The following PTPRG variants were observed in gnomAD, a reference collection of about 807,000 sequenced individuals.
PTPRG encodes receptor-type tyrosine-protein phosphatase gamma.
A neutral mutation model predicts 165.3 loss-of-function variants in PTPRG; 102 were observed. The observed-to-expected ratio is 0.62, with a 90% CI of 0.53 to 0.73. The LOEUF (loss-of-function observed/expected upper bound fraction) is 0.73, where lower values mean the gene tolerates loss of function less well. Among genes scored for constraint, PTPRG ranks in the 30% least tolerant of loss-of-function variants. The pLI is 0.00. For synonymous variants in PTPRG, 675 were observed against 669.5 expected, an observed-to-expected ratio of 1.01 and a Z score of -0.13; for missense variants, 1,866 against 1,861.4, an observed-to-expected ratio of 1.00 and a Z score of -0.05.
At chr3:61,973,848 A>G (rs2040439020) in intron 2 of PTPRG, among the ~76,000 whole-genome samples, 1 of 152,054 alleles carries the variant, frequency 6.6e-6, no homozygotes. Context: ...AAATAAATAA[A>G]TAAATAAATA....
At chr3:61,828,490 G>A (rs1317716765) in intron 2 of PTPRG, among the ~76,000 whole-genome samples, 5 of 152,192 alleles carry the variant, frequency 3.3e-5, no homozygotes, top group African/African-American at 7.2e-5. Context: ...TGTTTTGCAC[G>A]TAGTCTTTCA....
chr3:61,873,162 T>C (rs1200882309), intron 2 of PTPRG, among the ~76,000 whole-genome samples: 2 of 152,202 alleles, frequency 1.3e-5, no homozygotes, highest in Non-Finnish European at 1.5e-5. Flanking sequence ...TAGAGAAATT[T>C]TGATACATGT....
chr3:62,290,720 A>G (rs929911473), intron 28 of PTPRG, among the ~76,000 whole-genome samples: 18 of 152,168 alleles, frequency 1.2e-4, no homozygotes, highest in African/African-American at 3.4e-4. Flanking sequence ...TGGTTATCCA[A>G]TGGAAAAATA....
chr3:62,088,427 T>C (rs947500603), intron 5 of PTPRG, among the ~76,000 whole-genome samples: 4 of 152,252 alleles, frequency 2.6e-5, no homozygotes, highest in African/African-American at 4.8e-5. Context: ...GAATAACTAA[T>C]AATCCCAGTC....
Position 61,903,638 on chromosome 3 carries a change from T to A in PTPRG, c.191-85987T>A, listed in dbSNP as rs1261347642. Among the ~76,000 whole-genome samples, 6 of 152,298 alleles carry A rather than the reference T, an allele frequency of 3.9e-5. No homozygotes were observed. In the East Asian group the frequency reaches 9.7e-4, roughly 25 times the overall value. On this transcript the variant is annotated intron_variant, in intron 2 of 29. Transcript: ENST00000474889. Reference sequence around the variant, plus strand: ...ATCCACCCACTTTGGCCTCCCAAAGTGCTGGGGTTAATTGCGTGAGCCACC... The same window carrying A: ...ATCCACCCACTTTGGCCTCCCAAAGAGCTGGGGTTAATTGCGTGAGCCACC...
Position 62,078,169 on chromosome 3 carries a change from A to G in PTPRG, c.526A>G (p.Ile176Val). Reference protein sequence around the residue: ...NGRRFPVEMQIFFYNPDDFDS... With the variant: ...NGRRFPVEMQVFFYNPDDFDS... ...TTTTTAATTGTTCTTACAGATGCAG[A>G]TTTTCTTTTACAATCCAGATGACTT... The change falls in exon 5 of 30, where the codon ATT (isoleucine) becomes GTT (valine). Residue 176 changes from isoleucine (I) to valine (V), a missense_variant. This residue lies in a region of PTPRG where 408 missense variants were observed against 376.2 expected (regional missense o/e 1.08). Coordinates refer to ENST00000474889, the MANE Select transcript of PTPRG (RefSeq NM_002841.4). 1.9e-6 allele frequency: 3 copies of G among 1,593,124 alleles called. No individual in the cohort carries two copies. The highest frequency in any genetic ancestry group is 8.6e-7 in the Non-Finnish European group (1 of 1,168,926).
At chr3:61,799,182 A>C (rs1197963059) in intron 2 of PTPRG, among the ~76,000 whole-genome samples, 1 of 152,172 alleles carries the variant, frequency 6.6e-6, no homozygotes, top group Admixed American at 6.5e-5. Flanking sequence ...GAAAATAAAG[A>C]GTTCCCATAT....
intron 5 of PTPRG, among the ~76,000 whole-genome samples, chr3:62,127,638 G>A (rs1703347562): frequency 1.3e-5 from 2 of 152,218 alleles, no homozygotes; most frequent in Non-Finnish European, 2.9e-5. Flanking sequence ...TAAAGGAGCA[G>A]CTGGCGGTGT....
chr3:61,966,948 A>G (rs866432246), intron 2 of PTPRG, among the ~76,000 whole-genome samples: 3 of 152,226 alleles, frequency 2.0e-5, no homozygotes, highest in African/African-American at 7.2e-5. Flanking sequence ...CATAAAACTT[A>G]AAGTTGGGCT....
At chr3:62,078,067 T>G (rs1423954201) in intron 4 of PTPRG, 96 bp from the exon 5 acceptor site, 1 of 792,128 alleles carries the variant, frequency 1.3e-6, no homozygotes, top group East Asian at 3.0e-5. Flanking sequence ...AAAATCTTAT[T>G]AGCAACTGGG....
At chr3:61,737,502 G>A (rs2032763070) in intron 1 of PTPRG, among the ~76,000 whole-genome samples, 1 of 152,086 alleles carries the variant, frequency 6.6e-6, no homozygotes, top group African/African-American at 2.4e-5. Context: ...TGTTGGAGGT[G>A]GAGTACATAG....
At position 61,561,903 on chromosome 3, in the gene PTPRG, G is replaced by GCTGCC. The variant is rs1699761278; in HGVS notation, c.-384_-380dup. 1 of 158,364 alleles carries GCTGCC rather than the reference G, an allele frequency of 6.3e-6. No homozygotes were observed. The highest frequency in any genetic ancestry group is 1.8e-4 in the South Asian group (1 of 5,708). 9.8% of individuals were successfully genotyped at this position (158,364 alleles called of 1,614,324 possible). On this transcript the variant is annotated 5_prime_UTR_variant, in exon 1 of 30. An upstream open reading frame in the 5' UTR loses its in-frame stop. Coordinates refer to ENST00000474889, the MANE Select transcript of PTPRG (RefSeq NM_002841.4). ...CCCGCCGGCTCTCGGGCTGTGCTGC[G>GCTGCC]CTGCCGACTCAAGTTGGGGATCCTC... is the stretch of plus-strand genomic sequence containing the variant.
At chr3:61,698,557 C>T (rs1213157248) in intron 1 of PTPRG, among the ~76,000 whole-genome samples, 1 of 152,166 alleles carries the variant, frequency 6.6e-6, no homozygotes, top group African/African-American at 2.4e-5. Context: ...AGATTTGGCC[C>T]ATGGGACATA....
intron 4 of PTPRG, among the ~76,000 whole-genome samples, chr3:62,011,232 C>CA (rs2041416486): frequency 1.3e-5 from 2 of 152,214 alleles, no homozygotes; most frequent in South Asian, 2.1e-4. Flanking sequence ...CCGCCGCTGG[C>CA]ATATTTAGGC....
At chr3:62,082,165 T>A (rs1362238781) in intron 5 of PTPRG, among the ~76,000 whole-genome samples, 1 of 152,244 alleles carries the variant, frequency 6.6e-6, no homozygotes, top group Admixed American at 6.5e-5. Context: ...GTAGTCCAGA[T>A]GCTGATTTAC....
At chr3:61,643,496 T>C (rs1315531496) in intron 1 of PTPRG, among the ~76,000 whole-genome samples, 1 of 152,210 alleles carries the variant, frequency 6.6e-6, no homozygotes. Flanking sequence ...AAAGCACCTA[T>C]TGGCTGGGCG....
Position 61,830,576 on chromosome 3 carries a change from T to G in PTPRG, c.190+81594T>G, listed in dbSNP as rs868415582. 7.7e-4 allele frequency among the ~76,000 whole-genome samples: 105 copies of G among 136,756 alleles called. 1 individual carries two copies. Among genetic ancestry groups the G allele is most frequent in the African/African-American group, 2.5e-3 (96 of 37,998 alleles). 89.7% of individuals were successfully genotyped at this position (136,756 alleles called of 152,430 possible). ...GTTCTTTTTGTTTTTGTTTTTTTTT[T>G]TTTTTTTTTTTTTTGGAGATGGAGT... On this transcript the variant is annotated intron_variant, in intron 2 of 29. Transcript: ENST00000474889.
chr3:62,192,226 T>C (rs890592218), intron 9 of PTPRG, among the ~76,000 whole-genome samples: 2 of 151,978 alleles, frequency 1.3e-5, no homozygotes, highest in East Asian at 3.9e-4. Context: ...TTTTCTCAGA[T>C]ACTCAAATGC....
At chr3:61,817,586 G>T (rs1485563049) in intron 2 of PTPRG, among the ~76,000 whole-genome samples, 1 of 152,088 alleles carries the variant, frequency 6.6e-6, no homozygotes, top group East Asian at 1.9e-4. Context: ...AGGTTATGAG[G>T]TATCTCCATC....
Sources: gnomAD v4.1 joint callset for allele counts (sites outside exome capture counted in the v4.1 genomes callset) on GRCh38, gnomAD v4.1.1 for gene constraint, gnomAD v4.1.1 regional missense constraint, MANE v1.5 for transcripts, NCBI Gene and HGNC (gene_info 2026-07-23, HGNC 2026-07-21) for gene names.